Variants in AGBL4 observed in about 807,000 individuals in gnomAD.
The protein encoded by AGBL4 is AGBL carboxypeptidase 4.
In AGBL4, 58 loss-of-function variants were observed where a neutral mutation model predicts 66.4. The observed-to-expected ratio is 0.87, with a 90% confidence interval of 0.71 to 1.09. The LOEUF is 1.09. Among genes scored for constraint, AGBL4 ranks in the 50% least tolerant of loss-of-function variants. The pLI, the probability that AGBL4 is intolerant of heterozygous loss-of-function variation, is 0.00. For missense variants in AGBL4, 579 were observed against 631.0 expected, an observed-to-expected ratio of 0.92 and a Z score of 0.88; for synonymous variants, 234 against 222.9, an observed-to-expected ratio of 1.05 and a Z score of -0.44.
intron 11 of AGBL4, among the ~76,000 whole-genome samples, chr1:48,546,229 A>G (rs887313540): frequency 5.3e-5 from 8 of 152,270 alleles, no homozygotes; most frequent in Non-Finnish European, 1.0e-4. Context: ...GAGAGTTTAC[A>G]TAACTAATTC....
At chr1:49,182,684 GT>G (rs369573316) in intron 4 of AGBL4, among the ~76,000 whole-genome samples, 9 of 148,578 alleles carry the variant, frequency 6.1e-5, no homozygotes, top group South Asian at 2.1e-4. Flanking sequence ...GGTATAAGCT[GT>G]TTTTTTTTTC....
At chr1:49,318,605 T>G (rs1395546268) in intron 3 of AGBL4, among the ~76,000 whole-genome samples, 1 of 152,038 alleles carries the variant, frequency 6.6e-6, no homozygotes, top group Non-Finnish European at 1.5e-5. Flanking sequence ...TGTATACAAA[T>G]ATTTAGAATG....
intron 3 of AGBL4, among the ~76,000 whole-genome samples, chr1:49,395,831 G>GTATA (rs1168054468): frequency 4.3e-4 from 34 of 78,990 alleles, no homozygotes; most frequent in African/African-American, 1.2e-3. Flanking sequence ...ATATATATGT[G>GTATA]TATATATATA....
chr1:49,618,664 CA>C (rs1645297857), intron 3 of AGBL4, among the ~76,000 whole-genome samples: 1 of 151,862 alleles, frequency 6.6e-6, no homozygotes, highest in Non-Finnish European at 1.5e-5. Flanking sequence ...GACACAACAA[CA>C]AAAAAAGAGT....
intron 1 of AGBL4, among the ~76,000 whole-genome samples, chr1:49,948,050 A>AT (rs1491295454): frequency 2.4e-3 from 17 of 7,000 alleles, no homozygotes; most frequent in African/African-American, 3.0e-3. Context: ...ATAAATATAT[A>AT]AATATATATA....
intron 2 of AGBL4, among the ~76,000 whole-genome samples, chr1:49,822,773 A>C (rs551541291): frequency 9.2e-5 from 14 of 152,318 alleles, no homozygotes; most frequent in Admixed American, 2.0e-4. Context: ...CTAGTCTACA[A>C]GCATATGACT....
intron 4 of AGBL4, among the ~76,000 whole-genome samples, chr1:49,190,195 T>C (rs1229987092): frequency 6.6e-6 from 1 of 152,294 alleles, no homozygotes; most frequent in Non-Finnish European, 1.5e-5. Flanking sequence ...GGCCTGCCCA[T>C]GAGTCTAAAG....
intron 3 of AGBL4, among the ~76,000 whole-genome samples, chr1:49,380,919 C>T (rs1644590437): frequency 6.6e-6 from 1 of 152,174 alleles, no homozygotes; most frequent in Non-Finnish European, 1.5e-5. Flanking sequence ...CATTACCATT[C>T]AGGACATACG....
rs1009307361 is a variant in AGBL4 at position 49,488,972 on chromosome 1, G to A, written c.282+208341C>T. On this transcript the variant is annotated intron_variant, in intron 3 of 13. Coordinates refer to ENST00000371839, the MANE Select transcript of AGBL4 (RefSeq NM_032785.4). ...TATGTTGCTTCCAAATCTTGGCTGC[G>A]TGAATAGTGCTGCAATAAACACAGA... Among the ~76,000 whole-genome samples the A allele has an allele frequency of 3.3e-5, 5 of 151,722 alleles. No homozygotes were observed. In the East Asian group the frequency reaches 5.8e-4, roughly 18 times the overall value.
At chr1:49,673,560 G>A (rs1009358359) in intron 3 of AGBL4, among the ~76,000 whole-genome samples, 3 of 152,028 alleles carry the variant, frequency 2.0e-5, no homozygotes, top group African/African-American at 7.2e-5. Flanking sequence ...AACATCTCAT[G>A]TACTGCATAA....
chr1:49,930,830 C>T (rs762011757), intron 1 of AGBL4, among the ~76,000 whole-genome samples: 2 of 152,162 alleles, frequency 1.3e-5, no homozygotes, highest in South Asian at 2.1e-4. Context: ...AATGTTTTTC[C>T]ACAAAGATCA....
At chr1:48,915,488 G>A (rs1653509316) in intron 5 of AGBL4, among the ~76,000 whole-genome samples, 1 of 152,172 alleles carries the variant, frequency 6.6e-6, no homozygotes, top group Admixed American at 6.5e-5. Context: ...TCCAGCCTGT[G>A]CTAGCTTTGA....
At chr1:48,734,248 G>T (rs1418085624) in intron 6 of AGBL4, among the ~76,000 whole-genome samples, 1 of 152,212 alleles carries the variant, frequency 6.6e-6, no homozygotes, top group Non-Finnish European at 1.5e-5. Context: ...CCCCAGACCA[G>T]AGTCGGCGGG....
At chr1:49,759,006 C>T (rs941845297) in intron 2 of AGBL4, among the ~76,000 whole-genome samples, 2 of 152,082 alleles carry the variant, frequency 1.3e-5, no homozygotes, top group African/African-American at 4.8e-5. Flanking sequence ...GGCAGTTTTC[C>T]CCAAGCTGAT....
intron 1 of AGBL4, among the ~76,000 whole-genome samples, chr1:50,012,067 G>A (rs1165927403): frequency 2.0e-5 from 3 of 151,884 alleles, no homozygotes; most frequent in Non-Finnish European, 4.4e-5. Context: ...GCTGAGGCAG[G>A]AGAATGGCGT....
intron 3 of AGBL4, among the ~76,000 whole-genome samples, chr1:49,391,551 T>A (rs1025635722): frequency 9.3e-6 from 1 of 107,184 alleles, no homozygotes; most frequent in Non-Finnish European, 1.7e-5. Flanking sequence ...TAACCATGAG[T>A]TTTTTTTTTT....
At chr1:49,882,678 G>C (rs534387653) in intron 1 of AGBL4, among the ~76,000 whole-genome samples, 2 of 152,152 alleles carry the variant, frequency 1.3e-5, no homozygotes, top group Admixed American at 1.3e-4. Context: ...CTCATGATTT[G>C]GCTCTCTGTT....
At chr1:49,357,824 C>T (rs902574949) in intron 3 of AGBL4, among the ~76,000 whole-genome samples, 1 of 152,142 alleles carries the variant, frequency 6.6e-6, no homozygotes, top group Non-Finnish European at 1.5e-5. Context: ...CCTGTGCAAA[C>T]GCCTATCTTT....
chr1:49,250,815 T>C (rs1651997269), intron 3 of AGBL4, among the ~76,000 whole-genome samples: 1 of 152,134 alleles, frequency 6.6e-6, no homozygotes, highest in African/African-American at 2.4e-5. Context: ...TCTGGAACTC[T>C]GGCAGGAGGA....
Sources: gnomAD v4.1 joint callset for allele counts (sites outside exome capture counted in the v4.1 genomes callset) on GRCh38, gnomAD v4.1.1 for gene constraint, MANE v1.5 for transcripts, NCBI Gene and HGNC (gene_info 2026-07-23, HGNC 2026-07-21) for gene names.